The following PTPRD variants were observed in gnomAD, a reference collection of about 807,000 sequenced individuals.
PTPRD encodes protein tyrosine phosphatase receptor type D, also known as receptor-type tyrosine-protein phosphatase delta.
Under a neutral mutation model 214.5 loss-of-function variants are expected in PTPRD, and 34 were observed. The ratio of observed to expected loss-of-function variants is 0.16; its 90% CI spans 0.12 to 0.21. The LOEUF (loss-of-function observed/expected upper bound fraction) is 0.21. Among genes scored for constraint, PTPRD ranks in the 10% least tolerant of loss-of-function variants. The pLI is 1.00. For synonymous variants in PTPRD, 1,128 were observed against 845.7 expected (o/e 1.33, Z -5.79); for missense variants, 2,545 against 2,398.7 (o/e 1.06, Z -1.27).
intron 8 of PTPRD, among the ~76,000 whole-genome samples, chr9:9,513,367 G>A (rs1031387536): frequency 6.6e-6 from 1 of 151,842 alleles, no homozygotes; most frequent in African/African-American, 2.4e-5. Context: ...ACTTTCCTAT[G>A]TGTTATGACT....
At chr9:9,503,456 G>C (rs1205969244) in intron 8 of PTPRD, among the ~76,000 whole-genome samples, 1 of 151,508 alleles carries the variant, frequency 6.6e-6, no homozygotes, top group Non-Finnish European at 1.5e-5. Context: ...GGGGGCTTAG[G>C]TTCAAATGGG....
chr9:8,764,479 G>A (rs1029272122), intron 11 of PTPRD, among the ~76,000 whole-genome samples: 3 of 151,974 alleles, frequency 2.0e-5, no homozygotes, highest in East Asian at 1.9e-4. Context: ...CTAAAAATAC[G>A]GACCATTATG....
intron 11 of PTPRD, among the ~76,000 whole-genome samples, chr9:8,880,703 C>T (rs2154218284): frequency 6.6e-6 from 1 of 152,200 alleles, no homozygotes; most frequent in East Asian, 1.9e-4. Flanking sequence ...TATAACAACA[C>T]ATTTATCCAA....
chr9:9,250,163 T>C (rs1029937410), intron 9 of PTPRD, among the ~76,000 whole-genome samples: 1 of 151,978 alleles, frequency 6.6e-6, no homozygotes. Flanking sequence ...CAATGTTGAG[T>C]TGACATCCTT....
intron 3 of PTPRD, among the ~76,000 whole-genome samples, chr9:10,053,389 G>C (rs950860694): frequency 6.6e-6 from 1 of 152,100 alleles, no homozygotes; most frequent in African/African-American, 2.4e-5. Context: ...GATATCAGTA[G>C]GTTTTACAAG....
chr9:8,486,625 G>A (rs112930720), intron 27 of PTPRD, among the ~76,000 whole-genome samples: 5 of 152,242 alleles, frequency 3.3e-5, no homozygotes, highest in East Asian at 1.9e-4. Context: ...ACACCTGCAC[G>A]TTTTAAACCT....
intron 3 of PTPRD, among the ~76,000 whole-genome samples, chr9:10,064,332 C>T (rs73392111): frequency 0.095 from 14,433 of 151,746 alleles, 2,069 homozygotes; most frequent in African/African-American, 0.31. Flanking sequence ...CAAATGTTTG[C>T]TAAATTTGAA....
intron 11 of PTPRD, among the ~76,000 whole-genome samples, chr9:8,896,145 G>A (rs2098608585): frequency 6.6e-6 from 1 of 152,166 alleles, no homozygotes; most frequent in Admixed American, 6.5e-5. Flanking sequence ...TCATTTAAGT[G>A]AATAAACTGG....
chr9:9,399,727 G>A (rs1001198621), intron 8 of PTPRD, among the ~76,000 whole-genome samples: 1 of 151,958 alleles, frequency 6.6e-6, no homozygotes, highest in Non-Finnish European at 1.5e-5. Context: ...GAGTTCCCCT[G>A]CACACGCTCC....
At chr9:10,610,510 T>G (rs918196330) in intron 2 of PTPRD, among the ~76,000 whole-genome samples, 1 of 90,806 alleles carries the variant, frequency 1.1e-5, no homozygotes, top group East Asian at 4.6e-4. Context: ...AATAATTAAG[T>G]TTTTTTTTTT....
At chr9:9,800,292 G>A (rs1425162923) in intron 5 of PTPRD, among the ~76,000 whole-genome samples, 2 of 152,220 alleles carry the variant, frequency 1.3e-5, no homozygotes, top group East Asian at 3.9e-4. Flanking sequence ...CTATGATTGA[G>A]TCACTGTGCT....
At chr9:10,023,694 C>T (rs1317507651) in intron 4 of PTPRD, among the ~76,000 whole-genome samples, 1 of 151,238 alleles carries the variant, frequency 6.6e-6, no homozygotes, top group Non-Finnish European at 1.5e-5. Flanking sequence ...TTAGCCTCAG[C>T]CATTCAATTA....
At chr9:9,489,827 A>G (rs1045200415) in intron 8 of PTPRD, among the ~76,000 whole-genome samples, 2 of 147,194 alleles carry the variant, frequency 1.4e-5, no homozygotes, top group Non-Finnish European at 3.0e-5. Flanking sequence ...AAGAAAAAAG[A>G]TGAAAAAATA....
At chr9:9,234,915 C>T (rs531883445) in intron 9 of PTPRD, among the ~76,000 whole-genome samples, 10 of 152,194 alleles carry the variant, frequency 6.6e-5, no homozygotes, top group Non-Finnish European at 1.0e-4. Context: ...CTGACTGTTA[C>T]CCATTTCCAA....
rs74904754 is a variant in PTPRD, at chr9:8,330,421, C to A, written c.5534+1161G>T. On this transcript the variant is annotated intron_variant, in intron 44 of 45. Transcript: ENST00000381196. ...CACAACTTTTATATGCACTGGGAAA[C>A]CAAAAAGTATGTGTGACTCCCTTTA... Among the ~76,000 whole-genome samples the A allele has an allele frequency of 2.0e-5, 3 of 152,068 alleles. No individual in the cohort carries two copies. The East Asian group carries it at 5.8e-4, about 29-fold the overall frequency.
chr9:10,413,813 T>C (rs927630753), intron 2 of PTPRD, among the ~76,000 whole-genome samples: 1 of 151,742 alleles, frequency 6.6e-6, no homozygotes, highest in East Asian at 2.0e-4. Context: ...TGTTCACCTA[T>C]GACCATCTGA....
At chr9:9,759,401 T>C (rs1296721088) in intron 6 of PTPRD, among the ~76,000 whole-genome samples, 1 of 152,162 alleles carries the variant, frequency 6.6e-6, no homozygotes, top group Non-Finnish European at 1.5e-5. Flanking sequence ...TTAATGCTAG[T>C]ACAGCTGAGG....
chr9:9,151,041 C>T (rs949709053), intron 10 of PTPRD, among the ~76,000 whole-genome samples: 7 of 152,320 alleles, frequency 4.6e-5, no homozygotes, highest in African/African-American at 9.6e-5. Flanking sequence ...TACCTCTATG[C>T]AGCCATTATA....
chr9:10,522,909 TC>T (rs2052838300), intron 2 of PTPRD, among the ~76,000 whole-genome samples: 1 of 152,064 alleles, frequency 6.6e-6, no homozygotes, highest in African/African-American at 2.4e-5. Flanking sequence ...GAAGGGTATT[TC>T]CTAAATGAGA....
Sources: gnomAD v4.1 joint callset for allele counts (sites outside exome capture counted in the v4.1 genomes callset) on GRCh38, gnomAD v4.1.1 for gene constraint, MANE v1.5 for transcripts, NCBI Gene and HGNC (gene_info 2026-07-23, HGNC 2026-07-21) for gene names.